The following ZNF324B variants were observed in gnomAD, a reference collection of about 807,000 sequenced individuals.
The protein encoded by ZNF324B is zinc finger protein 324B.
A neutral mutation model predicts 10.6 loss-of-function variants in ZNF324B; 7 were observed. That is an observed-to-expected ratio of 0.66 (90% CI 0.38 to 1.24). The LOEUF (loss-of-function observed/expected upper bound fraction) is 1.24. Among genes scored for constraint, ZNF324B ranks in the 50% most tolerant of loss-of-function variants. ZNF324B has a pLI of 0.02. For missense variants in ZNF324B, 640 were observed against 764.7 expected (o/e 0.84, Z 1.92); for synonymous variants, 316 against 321.0 (o/e 0.98, Z 0.17).
chr19:58,433,926 C>G, the ZNF324B span: 6 of 1,614,150 alleles, frequency 3.7e-6, no homozygotes, highest in Non-Finnish European at 5.1e-6. Context: ...TATGTACTTT[C>G]TGGTGCTGGA....
At chr19:58,440,029 A>G in the ZNF324B span, 14 of 571,706 alleles carry the variant, frequency 2.4e-5, no homozygotes, top group Middle Eastern at 4.4e-4. Flanking sequence ...AAGCAGAGTA[A>G]TTAGCCGGGC....
At chr19:58,434,389 C>A in the ZNF324B span, 1 of 1,614,266 alleles carries the variant, frequency 6.2e-7, no homozygotes, top group Non-Finnish European at 8.5e-7. Flanking sequence ...GGCTTTCCCA[C>A]ATTCATCACA....
chr19:58,433,390 C>T, the ZNF324B span: 1 of 1,614,232 alleles, frequency 6.2e-7, no homozygotes, highest in South Asian at 1.1e-5. Context: ...ACACTGGCTA[C>T]ACTCATAAGT....
chr19:58,425,089 C>T, the ZNF324B span, among the ~76,000 whole-genome samples: 1 of 152,026 alleles, frequency 6.6e-6, no homozygotes, highest in African/African-American at 2.4e-5. Flanking sequence ...CCTGTCTCTA[C>T]TAAAAATACA....
the ZNF324B span, among the ~76,000 whole-genome samples, chr19:58,425,363 C>T: frequency 6.6e-6 from 1 of 152,046 alleles, no homozygotes; most frequent in South Asian, 2.1e-4. Flanking sequence ...GGATTACAGG[C>T]GTGAGCCATC....
At chr19:58,439,768 G>C in the ZNF324B span, 1 of 1,544,144 alleles carries the variant, frequency 6.5e-7, no homozygotes, top group East Asian at 2.5e-5. Flanking sequence ...CCTGCGCCGG[G>C]CCCATCAGCA....
At chr19:58,428,372 G>A in the ZNF324B span, among the ~76,000 whole-genome samples, 3 of 152,302 alleles carry the variant, frequency 2.0e-5, no homozygotes, top group African/African-American at 7.2e-5. Context: ...ATGCCACATA[G>A]AAATCTGAAT....
In ZNF324B at chr19:58,454,330, G is replaced by A; in HGVS notation, c.224G>A (p.Gly75Glu). 6.2e-7 allele frequency: 1 copy of A among 1,613,358 alleles called. No homozygotes were observed. Among genetic ancestry groups the A allele is most frequent in the South Asian group, 1.1e-5 (1 of 91,058 alleles). Residue 75 changes from glycine to glutamate, a missense_variant, in exon 3 of 4, where the codon GGG becomes GAG. Around this residue, in one of 3 missense-constraint regions of ZNF324B, gnomAD observed 345 missense variants for 387.9 expected, o/e 0.89. Coordinates refer to ENST00000336614, the MANE Select transcript of ZNF324B (RefSeq NM_207395.3). ...ATGACCCTGGCCAGGAACACCTACGGGAGGCTCAACTCTGGTGAGTGGGAG... is the reference window on the plus strand; with the variant it reads ...ATGACCCTGGCCAGGAACACCTACGAGAGGCTCAACTCTGGTGAGTGGGAG... ...KDMTLARNTY[G>E]RLNSGSWSLT... is the part of the protein sequence containing the mutation.
chr19:58,425,022 G>A, the ZNF324B span, among the ~76,000 whole-genome samples: 17 of 152,254 alleles, frequency 1.1e-4, no homozygotes, highest in South Asian at 1.0e-3. Flanking sequence ...TTGGGAGGCC[G>A]AGGCGGGTGG....
the ZNF324B span, among the ~76,000 whole-genome samples, chr19:58,428,332 G>C: frequency 6.6e-6 from 1 of 152,126 alleles, no homozygotes; most frequent in African/African-American, 2.4e-5. Flanking sequence ...AAATGTTTTT[G>C]GAAATGATTT....
the ZNF324B span, chr19:58,443,995 G>A: frequency 2.0e-5 from 3 of 152,268 alleles, no homozygotes; most frequent in Non-Finnish European, 4.4e-5. Flanking sequence ...GGTGGACAGG[G>A]TGGCTTGAAT....
the ZNF324B span, among the ~76,000 whole-genome samples, chr19:58,436,017 A>G: frequency 6.6e-6 from 1 of 152,278 alleles, no homozygotes; most frequent in Non-Finnish European, 1.5e-5. Context: ...GCTATAAAAA[A>G]GAATGAAATA....
upstream of ZNF324B, among the ~76,000 whole-genome samples, chr19:58,447,711 A>C (rs887631672): frequency 5.3e-5 from 8 of 152,148 alleles, no homozygotes; most frequent in African/African-American, 1.9e-4. Context: ...TCTACAAAAA[A>C]AGTAAATAAA....
chr19:58,423,759 C>A, the ZNF324B span, among the ~76,000 whole-genome samples: 10 of 152,136 alleles, frequency 6.6e-5, no homozygotes, highest in African/African-American at 1.9e-4. Context: ...AGAAATAAAT[C>A]CAGATATTTA....
chr19:58,454,093 T>A (rs2052888740), intron 2 of ZNF324B, 135 bp from the exon 3 acceptor site: 2 of 711,906 alleles, frequency 2.8e-6, no homozygotes, highest in Admixed American at 4.8e-5. Context: ...TATGAGCCCC[T>A]TGCCCTGTGC....
In ZNF324B at chr19:58,455,955, C is replaced by G. The variant is rs767691581; in HGVS notation, c.1011C>G (p.Ala337=). Residue 337 remains alanine, a synonymous_variant, in exon 4 of 4, where the codon GCC becomes GCG. Coordinates refer to ENST00000336614, the MANE Select transcript of ZNF324B (RefSeq NM_207395.3). This position sits in a 1 kb window ranked among gnomAD's most constrained non-coding sequence, Gnocchi z 7.0. ...SLVRHQRIHT[A]EKSFRCSECG... is the part of the protein sequence containing the mutation. ...TGCGGCACCAGCGCATCCACACGGC[C>G]GAGAAGTCCTTCCGCTGCTCCGAGT... 38 of 1,592,984 alleles carry G rather than the reference C, an allele frequency of 2.4e-5. No homozygotes were observed. The highest frequency in any genetic ancestry group is 3.1e-5 in the Non-Finnish European group (36 of 1,167,240).
chr19:58,436,622 C>A, the ZNF324B span, among the ~76,000 whole-genome samples: 449 of 138,036 alleles, frequency 3.3e-3, 1 homozygote, highest in African/African-American at 0.012. Flanking sequence ...AAGCTGAGAT[C>A]ACGCCACTGC....
At chr19:58,441,446 T>C in the ZNF324B span, 1 of 152,226 alleles carries the variant, frequency 6.6e-6, no homozygotes, top group Non-Finnish European at 1.5e-5. Context: ...TAATGGAATT[T>C]TTTGCTACCT....
chr19:58,454,411 C>T (rs1331063273), intron 3 of ZNF324B, 67 bp downstream of exon 3: 1 of 1,035,160 alleles, frequency 9.7e-7, no homozygotes, highest in African/African-American at 1.6e-5. Flanking sequence ...CCCTGCTTTT[C>T]TGACTCTGGA....
Sources: gnomAD v4.1 joint callset for allele counts (sites outside exome capture counted in the v4.1 genomes callset) on GRCh38, gnomAD v4.1.1 for gene constraint, gnomAD v4.1.1 regional missense constraint, Gnocchi (gnomAD v3.1) non-coding constraint, MANE v1.5 for transcripts, NCBI Gene and HGNC (gene_info 2026-07-23, HGNC 2026-07-21) for gene names.